Variants in NRG1 observed in about 807,000 individuals in gnomAD.
The protein encoded by NRG1 is pro-neuregulin-1, membrane-bound isoform.
NRG1 carries 18 observed loss-of-function variants against 63.8 expected under a neutral mutation model. The ratio of observed to expected loss-of-function variants is 0.28; its 90% CI spans 0.19 to 0.42. The LOEUF is 0.42. NRG1 is among the 10% of genes least tolerant of loss of function. NRG1 has a pLI of 1.00. For synonymous variants in NRG1, 302 were observed against 301.3 expected (o/e 1.00, Z -0.02); for missense variants, 762 against 814.7 (o/e 0.94, Z 0.79).
intron 1 of NRG1, among the ~76,000 whole-genome samples, chr8:32,512,509 A>G (rs944699009): frequency 1.3e-5 from 2 of 152,216 alleles, no homozygotes; most frequent in Admixed American, 6.5e-5. Flanking sequence ...GCATTGATTG[A>G]GCAATTATTA....
At chr8:32,293,320 C>G (rs1163043510) in intron 1 of NRG1, among the ~76,000 whole-genome samples, 2 of 152,002 alleles carry the variant, frequency 1.3e-5, no homozygotes, top group Non-Finnish European at 2.9e-5. Flanking sequence ...GATAGACACA[C>G]AGGGAAGGCA....
intron 1 of NRG1, among the ~76,000 whole-genome samples, chr8:32,236,919 C>G (rs1847620589): frequency 6.6e-6 from 1 of 152,066 alleles, no homozygotes; most frequent in Non-Finnish European, 1.5e-5. Context: ...ACAGCTGACT[C>G]CAAGATGAGT....
chr8:32,485,908 T>C (rs560498596), intron 1 of NRG1, among the ~76,000 whole-genome samples: 21 of 152,274 alleles, frequency 1.4e-4, no homozygotes, highest in African/African-American at 4.8e-4. Flanking sequence ...ATTTCCCCAA[T>C]TTGCACTTAT....
At chr8:31,857,318 G>A (rs144328377) in intron 1 of NRG1, among the ~76,000 whole-genome samples, 26 of 152,226 alleles carry the variant, frequency 1.7e-4, no homozygotes, top group Non-Finnish European at 3.1e-4. Context: ...CTCCTGATGC[G>A]CTGTTTTTTA....
At chr8:31,967,193 T>A (rs575027861) in intron 1 of NRG1, among the ~76,000 whole-genome samples, 1 of 152,126 alleles carries the variant, frequency 6.6e-6, no homozygotes. Context: ...ATGTAACTAG[T>A]GGGCAAATAG....
chr8:32,466,154 T>C (rs961333933), intron 1 of NRG1, among the ~76,000 whole-genome samples: 2 of 152,002 alleles, frequency 1.3e-5, no homozygotes, highest in Non-Finnish European at 2.9e-5. Flanking sequence ...AATACATACA[T>C]ACATAAGTAA....
chr8:31,762,930 T>A (rs2131527825), intron 1 of NRG1, among the ~76,000 whole-genome samples: 1 of 152,258 alleles, frequency 6.6e-6, no homozygotes, highest in Non-Finnish European at 1.5e-5. Flanking sequence ...AGCATAGACA[T>A]AAAAATTCGT....
At chr8:32,622,562 C>A (rs1848526697) in intron 5 of NRG1, among the ~76,000 whole-genome samples, 1 of 152,026 alleles carries the variant, frequency 6.6e-6, no homozygotes, top group South Asian at 2.1e-4. Flanking sequence ...GCCACCACAC[C>A]TGAGTAATGT....
intron 1 of NRG1, among the ~76,000 whole-genome samples, chr8:32,406,798 C>T (rs1484607597): frequency 6.6e-6 from 1 of 151,828 alleles, no homozygotes; most frequent in African/African-American, 2.4e-5. Context: ...AGTATTTTTG[C>T]TTAATAAGTA....
chr8:32,653,961 T>C (rs973043060), intron 5 of NRG1, among the ~76,000 whole-genome samples: 1 of 151,286 alleles, frequency 6.6e-6, no homozygotes, highest in African/African-American at 2.4e-5. Flanking sequence ...TGTATGCGTG[T>C]GTGTGTGTGT....
At chr8:32,486,202 G>T (rs1202977300) in intron 1 of NRG1, among the ~76,000 whole-genome samples, 1 of 152,148 alleles carries the variant, frequency 6.6e-6, no homozygotes, top group African/African-American at 2.4e-5. Context: ...AAAGTGCTGG[G>T]ATTACAGATG....
intron 1 of NRG1, among the ~76,000 whole-genome samples, chr8:32,253,100 G>T (rs1050791539): frequency 1.3e-5 from 2 of 152,188 alleles, no homozygotes; most frequent in African/African-American, 4.8e-5. Flanking sequence ...TTTGGGCTGA[G>T]AAGATGGGGT....
intron 1 of NRG1, among the ~76,000 whole-genome samples, chr8:32,019,335 T>C (rs973104654): frequency 6.6e-6 from 1 of 152,214 alleles, no homozygotes; most frequent in African/African-American, 2.4e-5. Context: ...CCTGACATCA[T>C]GATCTGCTCG....
At chr8:32,050,441 T>G (rs1396718254) in intron 1 of NRG1, among the ~76,000 whole-genome samples, 1 of 152,112 alleles carries the variant, frequency 6.6e-6, no homozygotes, top group African/African-American at 2.4e-5. Context: ...CAACTAGTAT[T>G]TTTTTAATCA....
At chr8:32,014,989 A>G (rs1260001959) in intron 1 of NRG1, among the ~76,000 whole-genome samples, 1 of 152,114 alleles carries the variant, frequency 6.6e-6, no homozygotes, top group East Asian at 1.9e-4. Context: ...GAGAGGCCTG[A>G]ACAGATTCTC....
chr8:32,294,791 A>C (rs1050785588), intron 1 of NRG1, among the ~76,000 whole-genome samples: 2 of 151,822 alleles, frequency 1.3e-5, no homozygotes. Flanking sequence ...TTGTTCTCGT[A>C]GCTGCTACAT....
intron 9 of NRG1, among the ~76,000 whole-genome samples, chr8:32,757,360 CT>C (rs1829867227): frequency 6.6e-6 from 1 of 151,992 alleles, no homozygotes; most frequent in Admixed American, 6.6e-5. Flanking sequence ...AATTATTGCT[CT>C]GATGTATGGT....
At chr8:32,316,371 G>A (rs1211901984) in intron 1 of NRG1, among the ~76,000 whole-genome samples, 1 of 151,856 alleles carries the variant, frequency 6.6e-6, no homozygotes, top group Non-Finnish European at 1.5e-5. Flanking sequence ...AGCTACTCGG[G>A]AGGCTGAGGC....
At chr8:32,105,558 C>T (rs1458123028) in intron 1 of NRG1, among the ~76,000 whole-genome samples, 1 of 152,118 alleles carries the variant, frequency 6.6e-6, no homozygotes, top group African/African-American at 2.4e-5. Context: ...GTGGGAGCTA[C>T]AATTCAAGAT....
Sources: allele counts gnomAD v4.1 joint callset (sites outside exome capture counted in the v4.1 genomes callset), GRCh38; gene constraint gnomAD v4.1.1; transcripts MANE v1.5; gene names NCBI Gene and HGNC (gene_info 2026-07-23, HGNC 2026-07-21).